The following DCBLD1 variants were observed in gnomAD, a reference collection of about 807,000 sequenced individuals.
DCBLD1 encodes the protein discoidin, CUB and LCCL domain containing 1, also known as discoidin, CUB and LCCL domain-containing protein 1.
DCBLD1 carries 57 observed loss-of-function variants against 71.5 expected under a neutral mutation model. That is an observed-to-expected ratio of 0.80 (90% CI 0.64 to 0.99). DCBLD1 has a LOEUF of 0.99. Among genes scored for constraint, DCBLD1 ranks in the 50% least tolerant of loss-of-function variants. The probability of loss-of-function intolerance (pLI) is 0.00; values close to 1 mark genes in which losing one functional copy is unlikely to be tolerated. For synonymous variants in DCBLD1, 380 were observed against 363.8 expected (o/e 1.04, Z -0.51); for missense variants, 891 against 923.5 (o/e 0.96, Z 0.46).
At chr6:117,533,741 G>A (rs1480808239) in intron 6 of DCBLD1, among the ~76,000 whole-genome samples, 1 of 152,192 alleles carries the variant, frequency 6.6e-6, no homozygotes, top group Non-Finnish European at 1.5e-5. Flanking sequence ...GAAGTTAAGG[G>A]AGATTACAGG....
chr6:117,548,065 C>A lies in DCBLD1; in HGVS notation c.1774C>A (p.Pro592Thr). ...GGCCGGCCGCCACGAGTACGCGCTG[C>A]CCCTGGCGCCCCCGGAGCCCGAGTA... ...QRAGRHEYAL[P>T]LAPPEPEYAT... The change falls in exon 15 of 15, where the codon CCC (proline) becomes ACC (threonine). Residue 592 changes from proline (P) to threonine (T), a missense_variant. Pro to Thr is a conservative substitution (Grantham distance 38). Transcript: ENST00000338728. The A allele has an allele frequency of 2.6e-6, 4 of 1,548,780 alleles. No homozygotes were observed. The highest frequency in any genetic ancestry group is 2.6e-6 in the Non-Finnish European group (3 of 1,145,948).
chr6:117,516,902 G>T (rs1204992804), intron 2 of DCBLD1, among the ~76,000 whole-genome samples: 1 of 152,088 alleles, frequency 6.6e-6, no homozygotes, highest in Non-Finnish European at 1.5e-5. Flanking sequence ...CCTCCCACCG[G>T]GTCCCTCCCA....
At position 117,539,327 on chromosome 6, in the gene DCBLD1, A is replaced by G. The variant is rs1038452559; in HGVS notation, c.1049A>G (p.Asn350Ser). 1.9e-6 allele frequency: 3 copies of G among 1,610,278 alleles called. No individual in the cohort carries two copies. The highest frequency in any genetic ancestry group is 2.5e-6 in the Non-Finnish European group (3 of 1,179,106). Residue 350 changes from asparagine to serine, a missense_variant, in exon 9 of 15, where the codon AAC (asparagine) becomes AGC (serine). Asn to Ser is a conservative substitution (Grantham distance 46). Transcript: ENST00000338728. ...AAGAGTTTTGTGATGAACTTCAAAA[A>G]CAATAATTCTAAGTGGAAGACCTAT... is the stretch of plus-strand genomic sequence containing the variant. ...YVKSFVMNFK[N>S]NNSKWKTYKG...
rs188275841 is a variant in DCBLD1 at position 117,548,665 on chromosome 6, G to T, written c.*226G>T. 26 of 1,414,986 alleles carry T rather than the reference G, an allele frequency of 1.8e-5. No individual in the cohort carries two copies. The highest frequency in any genetic ancestry group is 1.8e-6 in the Non-Finnish European group (2 of 1,091,120). The allele number at this position is 1,414,986 out of a possible 1,614,324, so 87.7% of individuals were successfully genotyped here. On this transcript the variant is annotated 3_prime_UTR_variant, in exon 15 of 15. Coordinates refer to ENST00000338728, the MANE Select transcript of DCBLD1 (RefSeq NM_001366458.2). ...TAGGGTGCGTCTGTTGGGTTTTGTTGGGCTAGAAAAATGAAAATTTTCAGA... is the reference window on the plus strand; with the variant it reads ...TAGGGTGCGTCTGTTGGGTTTTGTTTGGCTAGAAAAATGAAAATTTTCAGA...
At chr6:117,505,833 A>C (rs570268784) in intron 2 of DCBLD1, among the ~76,000 whole-genome samples, 8 of 152,250 alleles carry the variant, frequency 5.3e-5, no homozygotes, top group Admixed American at 1.3e-4. Context: ...GCAGAAAAGA[A>C]TGGAATTAGC....
At chr6:117,500,072 T>G (rs1777602715) in intron 1 of DCBLD1, among the ~76,000 whole-genome samples, 1 of 152,234 alleles carries the variant, frequency 6.6e-6, no homozygotes, top group Non-Finnish European at 1.5e-5. Flanking sequence ...GCATCTGCCT[T>G]CTTCAACACA....
intron 6 of DCBLD1, among the ~76,000 whole-genome samples, chr6:117,533,437 A>G (rs906055073): frequency 6.6e-6 from 1 of 152,142 alleles, no homozygotes; most frequent in African/African-American, 2.4e-5. Flanking sequence ...TATCTTGGAT[A>G]GGTTCTCAAG....
At chr6:117,554,284 T>C (rs571219414), downstream of DCBLD1, among the ~76,000 whole-genome samples, 4 of 152,366 alleles carry the variant, frequency 2.6e-5, no homozygotes, top group Admixed American at 6.5e-5. Context: ...TAAATACTTC[T>C]AGTAGCTCCC....
intron 7 of DCBLD1, among the ~76,000 whole-genome samples, chr6:117,537,466 G>A (rs1171556503): frequency 7.3e-5 from 11 of 151,188 alleles, no homozygotes; most frequent in Admixed American, 1.3e-4. Context: ...CCCGGGAGGC[G>A]GAGCTTGCAG....
At chr6:117,488,605 A>G (rs1225337455) in intron 1 of DCBLD1, among the ~76,000 whole-genome samples, 1 of 152,196 alleles carries the variant, frequency 6.6e-6, no homozygotes, top group African/African-American at 2.4e-5. Context: ...TGATGCTGCC[A>G]CCGTACTCCA....
At chr6:117,505,071 AGATTGTTTTTTAATCCCTAGGAGCATT>A (rs1008594068) in intron 2 of DCBLD1, among the ~76,000 whole-genome samples, 2 of 152,188 alleles carry the variant, frequency 1.3e-5, no homozygotes, top group East Asian at 1.9e-4. Context: ...AAAAGATCTA[AGATTGTTTTTTAATCCCTAGGAGCATT>A]GATTGTTTTT....
At chr6:117,569,577 G>A in intron 14 of DCBLD1, 1 of 1,612,786 alleles carries the variant, frequency 6.2e-7, no homozygotes, top group Non-Finnish European at 8.5e-7. Context: ...TTTACCTGCT[G>A]AGAAAGAATA....
At chr6:117,517,758 C>T (rs12182243) in intron 2 of DCBLD1, among the ~76,000 whole-genome samples, 2,615 of 152,266 alleles carry the variant, frequency 0.017, 60 homozygotes, top group African/African-American at 0.059. Context: ...CCGAGTTCTA[C>T]GTTGTCCCCT....
At chr6:117,489,980 A>G (rs1425578513) in intron 1 of DCBLD1, among the ~76,000 whole-genome samples, 1 of 152,222 alleles carries the variant, frequency 6.6e-6, no homozygotes, top group Non-Finnish European at 1.5e-5. Context: ...AACAGTTGTG[A>G]AACAAAGTAG....
rs548165667 is a variant in DCBLD1 at position 117,518,652 on chromosome 6, A to T, written c.326-1164A>T. Among the ~76,000 whole-genome samples, 4 of 152,312 alleles carry T rather than the reference A, an allele frequency of 2.6e-5. No homozygotes were observed. The South Asian group carries it at 8.3e-4, about 32-fold the overall frequency. On this transcript the variant is annotated intron_variant, in intron 2 of 14. Coordinates refer to ENST00000338728, the MANE Select transcript of DCBLD1 (RefSeq NM_001366458.2). The stretch of plus-strand genomic sequence containing the variant: ...TGGTAGAAGGCAAAAGACATGTCTC[A>T]TATGGTGGCAGACAAAAGAAATGAG...
rs779413592 is a variant in DCBLD1, at chr6:117,538,811, T to C, written c.952T>C (p.Leu318=). The change falls in exon 8 of 15, where the codon TTG becomes CTG. Residue 318 remains leucine, a synonymous_variant. Coordinates refer to ENST00000338728, the MANE Select transcript of DCBLD1 (RefSeq NM_001366458.2). ...HKPREWLEID[L]GEKKKITGIR... is the part of the protein sequence containing the mutation. ...ACCACGAGAGTGGCTGGAGATCGAT[T>C]TGGGGGAGAAAAAGAAAATAACAGG... 2.5e-6 allele frequency: 4 copies of C among 1,613,542 alleles called. No individual in the cohort carries two copies. The highest frequency in any genetic ancestry group is 3.4e-6 in the Non-Finnish European group (4 of 1,179,796).
chr6:117,558,046 GCTT>G (rs1779518385), intron 14 of DCBLD1, among the ~76,000 whole-genome samples: 1 of 152,202 alleles, frequency 6.6e-6, no homozygotes, highest in East Asian at 1.9e-4. Context: ...AGAAGCGTGG[GCTT>G]CTTCTTAAGA....
chr6:117,513,275 G>T (rs1262007918), intron 2 of DCBLD1, among the ~76,000 whole-genome samples: 1 of 152,154 alleles, frequency 6.6e-6, no homozygotes, highest in Non-Finnish European at 1.5e-5. Context: ...TAATGAAATA[G>T]TAGCCCGAAA....
chr6:117,532,887 G>T (rs1025607466), intron 6 of DCBLD1, among the ~76,000 whole-genome samples: 1 of 152,088 alleles, frequency 6.6e-6, no homozygotes, highest in African/African-American at 2.4e-5. Flanking sequence ...TATATTCTTC[G>T]TTTGTTTTTA....
Sources: allele counts gnomAD v4.1 joint callset (sites outside exome capture counted in the v4.1 genomes callset), GRCh38; gene constraint gnomAD v4.1.1; transcripts MANE v1.5; gene names NCBI Gene and HGNC (gene_info 2026-07-23, HGNC 2026-07-21).